PAPPA2: variants seen among roughly 807,000 people sequenced by gnomAD.
PAPPA2 encodes the protein pappalysin 2, also known as pappalysin-2.
In PAPPA2, 86 loss-of-function variants were observed where a neutral mutation model predicts 176.4. The observed-to-expected ratio is 0.49, with a 90% CI of 0.41 to 0.58. PAPPA2 has a LOEUF of 0.58. Ranked by LOEUF, PAPPA2 falls within the 20% of genes least tolerant of loss-of-function variation. The pLI, the probability that PAPPA2 is intolerant of heterozygous loss-of-function variation, is 0.00. For missense variants in PAPPA2, 2,073 were observed against 2,256.9 expected (o/e 0.92, Z 1.65); for synonymous variants, 809 against 852.2 (o/e 0.95, Z 0.88).
rs140826952 is a variant in PAPPA2 at position 176,750,549 on chromosome 1, G to A, written c.4151+10353G>A. On this transcript the variant is annotated intron_variant, in intron 14 of 22. Coordinates refer to ENST00000367662, the MANE Select transcript of PAPPA2 (RefSeq NM_020318.3). ...GAACCCGGGATGCGGAGGTTGCAGT[G>A]AACCGAGATCGCACCACTGCACTCC... is the stretch of plus-strand genomic sequence containing the variant. Among the ~76,000 whole-genome samples the A allele has an allele frequency of 4.1e-3, 621 of 152,146 alleles. 7 individuals are homozygous for A. Among genetic ancestry groups the A allele is most frequent in the Non-Finnish European group, 7.4e-3 (502 of 68,014 alleles).
chr1:176,583,470 C>T (rs891688918), intron 2 of PAPPA2, among the ~76,000 whole-genome samples: 3 of 152,076 alleles, frequency 2.0e-5, no homozygotes, highest in Admixed American at 2.0e-4. Context: ...TATTTCTTCA[C>T]CCATTAGATA....
At chr1:176,514,845 T>C (rs1648817412) in intron 1 of PAPPA2, among the ~76,000 whole-genome samples, 1 of 152,212 alleles carries the variant, frequency 6.6e-6, no homozygotes. Context: ...TGCATATCTC[T>C]GGTAGAGTTT....
intron 1 of PAPPA2, among the ~76,000 whole-genome samples, chr1:176,483,966 T>C (rs1652529124): frequency 6.6e-6 from 1 of 152,200 alleles, no homozygotes; most frequent in South Asian, 2.1e-4. Context: ...AACAGTGAAG[T>C]AAACCTTTCT....
chr1:176,539,440 A>T (rs1018771699), intron 1 of PAPPA2, among the ~76,000 whole-genome samples: 3 of 152,172 alleles, frequency 2.0e-5, no homozygotes, highest in African/African-American at 7.2e-5. Flanking sequence ...TTAGTTCTAC[A>T]AACATTTACT....
chr1:176,840,369 G>A, intron 22 of PAPPA2, 98 bp downstream of exon 22: 1 of 927,284 alleles, frequency 1.1e-6, no homozygotes, highest in South Asian at 1.5e-5. Flanking sequence ...TAATGGGTTT[G>A]TATTCAACAA....
intron 1 of PAPPA2, among the ~76,000 whole-genome samples, chr1:176,463,875 G>C (rs1322360397): frequency 6.6e-6 from 1 of 152,164 alleles, no homozygotes; most frequent in Non-Finnish European, 1.5e-5. Context: ...TAAAGGCAGA[G>C]GGAGTGCTGA....
intron 1 of PAPPA2, among the ~76,000 whole-genome samples, chr1:176,477,145 TC>T (rs1189149294): frequency 6.6e-6 from 1 of 152,184 alleles, no homozygotes; most frequent in Non-Finnish European, 1.5e-5. Context: ...AGTTTTTTAT[TC>T]CTTTATTTCT....
intron 1 of PAPPA2, among the ~76,000 whole-genome samples, chr1:176,551,174 C>T (rs889952932): frequency 1.3e-5 from 2 of 152,190 alleles, no homozygotes; most frequent in Non-Finnish European, 2.9e-5. Flanking sequence ...TCTCTGAGCA[C>T]CAGAGCCAGG....
At chr1:176,557,377 A>G in intron 2 of PAPPA2, 136 bp downstream of exon 2, 2 of 995,582 alleles carry the variant, frequency 2.0e-6, no homozygotes, top group South Asian at 1.7e-5. Context: ...GGAGAGGGGG[A>G]AGGGCCTTTA....
chr1:176,548,435 C>T (rs969731259), intron 1 of PAPPA2, among the ~76,000 whole-genome samples: 1 of 152,046 alleles, frequency 6.6e-6, no homozygotes, highest in African/African-American at 2.4e-5. Flanking sequence ...AGACATTGGA[C>T]CCTCACTCAA....
intron 21 of PAPPA2, chr1:176,836,648 A>T (rs966810061): frequency 6.6e-6 from 1 of 152,064 alleles, no homozygotes; most frequent in Non-Finnish European, 1.5e-5. Flanking sequence ...CATCTTTCAG[A>T]TTCCTCAGAA....
chr1:176,708,638 A>C (rs2102830962), intron 10 of PAPPA2, among the ~76,000 whole-genome samples: 1 of 152,146 alleles, frequency 6.6e-6, no homozygotes, highest in African/African-American at 2.4e-5. Context: ...GAAATGCATG[A>C]GTTGAAAGCC....
intron 21 of PAPPA2, among the ~76,000 whole-genome samples, chr1:176,810,515 G>T (rs545582879): frequency 1.4e-4 from 22 of 152,092 alleles, no homozygotes; most frequent in Non-Finnish European, 2.6e-4. Context: ...CACAGGGTTC[G>T]TGCTCCTATG....
chr1:176,734,319 A>C (rs965932132), intron 12 of PAPPA2, among the ~76,000 whole-genome samples: 2 of 151,780 alleles, frequency 1.3e-5, no homozygotes, highest in Non-Finnish European at 2.9e-5. Context: ...TTGAATGTCT[A>C]CCCCTAGTTC....
chr1:176,616,647 A>G, intron 3 of PAPPA2: 1 of 1,569,884 alleles, frequency 6.4e-7, no homozygotes, highest in Non-Finnish European at 8.7e-7. Context: ...TGCTTCACAT[A>G]CTCTTACTAT....
intron 1 of PAPPA2, among the ~76,000 whole-genome samples, chr1:176,506,359 T>C (rs1392834572): frequency 2.0e-5 from 3 of 152,124 alleles, no homozygotes; most frequent in East Asian, 3.8e-4. Context: ...CATATGAATT[T>C]TAGAATAGTT....
chr1:176,774,590 T>G (rs745739565), intron 17 of PAPPA2, among the ~76,000 whole-genome samples: 2 of 152,092 alleles, frequency 1.3e-5, no homozygotes, highest in African/African-American at 2.4e-5. Flanking sequence ...TGCTGCCAAG[T>G]CTCTATAATA....
chr1:176,709,004 A>G (rs1014391961), intron 10 of PAPPA2, among the ~76,000 whole-genome samples: 1 of 152,176 alleles, frequency 6.6e-6, no homozygotes, highest in African/African-American at 2.4e-5. Context: ...ATGCAACAGA[A>G]CTTAAATGGC....
At chr1:176,643,906 G>A (rs1274379272) in intron 3 of PAPPA2, among the ~76,000 whole-genome samples, 1 of 151,796 alleles carries the variant, frequency 6.6e-6, no homozygotes, top group Non-Finnish European at 1.5e-5. Context: ...GATGAAGGAG[G>A]TATCTTTCTA....
Sources: gnomAD v4.1 joint callset for allele counts (sites outside exome capture counted in the v4.1 genomes callset) on GRCh38, gnomAD v4.1.1 for gene constraint, MANE v1.5 for transcripts, NCBI Gene and HGNC (gene_info 2026-07-23, HGNC 2026-07-21) for gene names.